The following MAPK8 variants were observed in gnomAD, a reference collection of about 807,000 sequenced individuals.
MAPK8 encodes the protein mitogen-activated protein kinase 8, also known as JUN N-terminal kinase.
In MAPK8, 13 loss-of-function variants were observed where a neutral mutation model predicts 52.9. The ratio of observed to expected loss-of-function variants is 0.25; its 90% confidence interval spans 0.16 to 0.39. The LOEUF is 0.39. Ranked by LOEUF, MAPK8 falls within the 10% of genes least tolerant of loss-of-function variation. The probability of loss-of-function intolerance (pLI) is 1.00; values close to 1 mark genes in which losing one functional copy is unlikely to be tolerated. For synonymous variants in MAPK8, 191 were observed against 169.8 expected, an observed-to-expected ratio of 1.12 and a Z score of -0.97; for missense variants, 300 against 519.2, an observed-to-expected ratio of 0.58 and a Z score of 4.10.
chr10:48,426,546 T>C, intron 9 of MAPK8, 42 bp downstream of exon 9: 1 of 1,567,340 alleles, frequency 6.4e-7, no homozygotes, highest in Non-Finnish European at 8.7e-7. Context: ...ATTGCATTCT[T>C]AGAGTTAGAA....
chr10:48,340,810 T>G (rs1423552929), intron 1 of MAPK8, among the ~76,000 whole-genome samples: 1 of 152,234 alleles, frequency 6.6e-6, no homozygotes, highest in Non-Finnish European at 1.5e-5. Context: ...GTGCTCTCTA[T>G]TCTCTGAATC....
At chr10:48,385,973 A>T (rs1327094563) in intron 1 of MAPK8, among the ~76,000 whole-genome samples, 1 of 152,216 alleles carries the variant, frequency 6.6e-6, no homozygotes, top group East Asian at 1.9e-4. Flanking sequence ...GTTAAAAAAA[A>T]ATCTGATCAT....
intron 1 of MAPK8, among the ~76,000 whole-genome samples, chr10:48,362,135 T>C (rs563165397): frequency 1.3e-5 from 2 of 152,310 alleles, no homozygotes; most frequent in South Asian, 4.2e-4. Flanking sequence ...ATGAAACCTG[T>C]ATGCCCAGCA....
chr10:48,325,971 T>C (rs2132202118), intron 1 of MAPK8: 1 of 152,356 alleles, frequency 6.6e-6, no homozygotes, highest in East Asian at 1.9e-4. Flanking sequence ...CAAGGGTATG[T>C]ACTGTTAACA....
intron 10 of MAPK8, among the ~76,000 whole-genome samples, chr10:48,429,429 C>T (rs2043988014): frequency 6.6e-6 from 1 of 152,184 alleles, no homozygotes. Context: ...AGGTGCATGT[C>T]AGTAATTACC....
chr10:48,424,205 T>G, intron 7 of MAPK8, 46 bp downstream of exon 7: 7 of 1,479,450 alleles, frequency 4.7e-6, no homozygotes, highest in Non-Finnish European at 6.6e-6. Context: ...GCGATGAACT[T>G]CTTTATGTTC....
At chr10:48,385,633 G>A (rs1330759438) in intron 1 of MAPK8, among the ~76,000 whole-genome samples, 1 of 152,010 alleles carries the variant, frequency 6.6e-6, no homozygotes, top group African/African-American at 2.4e-5. Context: ...TAATTAGCCA[G>A]GCTTTAGGCC....
At chr10:48,328,137 C>T (rs1429945933) in intron 1 of MAPK8, among the ~76,000 whole-genome samples, 2 of 152,178 alleles carry the variant, frequency 1.3e-5, no homozygotes, top group African/African-American at 4.8e-5. Flanking sequence ...CTGCCTCAGC[C>T]TTCCAAGTAG....
intron 11 of MAPK8, among the ~76,000 whole-genome samples, chr10:48,433,843 T>C (rs377488053): frequency 6.6e-6 from 1 of 152,204 alleles, no homozygotes; most frequent in Non-Finnish European, 1.5e-5. Flanking sequence ...CATCTTTGGG[T>C]GCCTGAACCT....
intron 1 of MAPK8, among the ~76,000 whole-genome samples, chr10:48,332,648 G>C (rs1337857720): frequency 6.6e-6 from 1 of 152,216 alleles, no homozygotes; most frequent in Non-Finnish European, 1.5e-5. Flanking sequence ...AGCAGCTTCA[G>C]CTGCAAACCT....
At chr10:48,409,063 A>G (rs530407562) in intron 3 of MAPK8, among the ~76,000 whole-genome samples, 1 of 152,284 alleles carries the variant, frequency 6.6e-6, no homozygotes, top group South Asian at 2.1e-4. Flanking sequence ...ATTGGGTGCT[A>G]GGAGTTAAAC....
intron 1 of MAPK8, among the ~76,000 whole-genome samples, chr10:48,400,167 CCTTT>C (rs1229142481): frequency 2.0e-5 from 3 of 152,168 alleles, no homozygotes; most frequent in South Asian, 2.1e-4. Context: ...TACCAAAGCT[CCTTT>C]CTTTATTATG....
chr10:48,413,832 T>C (rs1787432708), intron 5 of MAPK8, among the ~76,000 whole-genome samples: 1 of 101,000 alleles, frequency 9.9e-6, no homozygotes, highest in Non-Finnish European at 2.0e-5. Flanking sequence ...TATATATATA[T>C]ATATATATAT....
intron 10 of MAPK8, among the ~76,000 whole-genome samples, chr10:48,428,407 C>T (rs1024937355): frequency 5.9e-5 from 9 of 152,176 alleles, no homozygotes; most frequent in Admixed American, 1.3e-4. Flanking sequence ...CATTTTACCT[C>T]ATCTTAAAAT....
chr10:48,400,913 C>CTTTTAATGCCTCA (rs1026412559), intron 1 of MAPK8, among the ~76,000 whole-genome samples: 2 of 152,206 alleles, frequency 1.3e-5, no homozygotes, highest in East Asian at 3.8e-4. Context: ...TTGAATCGTA[C>CTTTTAATGCCTCA]TTTTAATGCC....
intron 1 of MAPK8, among the ~76,000 whole-genome samples, chr10:48,369,030 G>A (rs1403540203): frequency 6.6e-6 from 1 of 152,240 alleles, no homozygotes; most frequent in East Asian, 1.9e-4. Flanking sequence ...GTGCTAAGAG[G>A]GCAGGGTCAT....
chr10:48,352,755 G>A (rs778594110), intron 1 of MAPK8, among the ~76,000 whole-genome samples: 2 of 152,160 alleles, frequency 1.3e-5, no homozygotes, highest in African/African-American at 2.4e-5. Flanking sequence ...AATATTGGGA[G>A]TTCCACCCAG....
At chr10:48,409,961 G>C (rs775684503) in intron 4 of MAPK8, 24 bp downstream of exon 4, 1 of 1,608,734 alleles carries the variant, frequency 6.2e-7, no homozygotes, top group South Asian at 1.1e-5. Flanking sequence ...TTAAAATTTT[G>C]TTAAGTTAGT....
At chr10:48,397,108 T>G (rs2041925340) in intron 1 of MAPK8, among the ~76,000 whole-genome samples, 1 of 152,112 alleles carries the variant, frequency 6.6e-6, no homozygotes, top group Non-Finnish European at 1.5e-5. Flanking sequence ...TTCCTCAGAT[T>G]TCAAAAGATT....
Sources: gnomAD v4.1 joint callset for allele counts (sites outside exome capture counted in the v4.1 genomes callset) on GRCh38, gnomAD v4.1.1 for gene constraint, MANE v1.5 for transcripts, NCBI Gene and HGNC (gene_info 2026-07-23, HGNC 2026-07-21) for gene names.